Variants in HDAC9 observed in about 807,000 individuals in gnomAD.
HDAC9 encodes the protein histone deacetylase 9.
A neutral mutation model predicts 139.4 loss-of-function variants in HDAC9; 41 were observed. The observed-to-expected ratio is 0.29, with a 90% CI of 0.23 to 0.38. The LOEUF (loss-of-function observed/expected upper bound fraction) is 0.38, where lower values mean the gene tolerates loss of function less well. Among genes scored for constraint, HDAC9 ranks in the 10% least tolerant of loss-of-function variants. HDAC9 has a pLI of 1.00. For synonymous variants in HDAC9, 517 were observed against 476.2 expected (o/e 1.09, Z -1.12); for missense variants, 1,147 against 1,297.0 (o/e 0.88, Z 1.78).
chr7:18,491,509 T>G (rs948056420), upstream of HDAC9, among the ~76,000 whole-genome samples: 1 of 148,096 alleles, frequency 6.8e-6, no homozygotes, highest in East Asian at 1.9e-4. Flanking sequence ...GAAGCTAAGC[T>G]TTTTGGCAAG....
intron 2 of HDAC9, chr7:18,578,218 T>G (rs1439677151): frequency 3.9e-6 from 2 of 519,042 alleles, no homozygotes; most frequent in Non-Finnish European, 7.7e-6. Flanking sequence ...TGGCTGGGCT[T>G]CTTCTGAGCA....
intron 12 of HDAC9, among the ~76,000 whole-genome samples, chr7:18,709,158 A>G (rs928489377): frequency 6.6e-6 from 1 of 150,842 alleles, no homozygotes; most frequent in African/African-American, 2.4e-5. Flanking sequence ...GATTTGCTTC[A>G]CCTATTGACA....
intron 3 of HDAC9, among the ~76,000 whole-genome samples, chr7:18,589,546 A>G (rs770385734): frequency 3.7e-4 from 57 of 152,128 alleles, no homozygotes; most frequent in Non-Finnish European, 5.4e-4. Flanking sequence ...GAATAAAAAT[A>G]AAAATAAAAA....
intron 2 of HDAC9, among the ~76,000 whole-genome samples, chr7:18,508,777 A>G (rs970291486): frequency 2.0e-5 from 3 of 152,172 alleles, no homozygotes; most frequent in African/African-American, 7.2e-5. Context: ...TAAACACAAT[A>G]TTGCACACTT....
At chr7:18,644,465 T>C (rs567987642) in intron 8 of HDAC9, among the ~76,000 whole-genome samples, 6 of 152,262 alleles carry the variant, frequency 3.9e-5, no homozygotes, top group African/African-American at 1.4e-4. Context: ...TGAACATAGA[T>C]GCCTTTTATT....
At chr7:18,648,793 G>A in intron 11 of HDAC9, 110 bp downstream of exon 11, 2 of 897,828 alleles carry the variant, frequency 2.2e-6, no homozygotes, top group South Asian at 1.6e-5. Flanking sequence ...ACAGCAAAAA[G>A]GATGTGATCA....
intron 1 of HDAC9, among the ~76,000 whole-genome samples, chr7:18,364,929 A>T (rs924507720): frequency 1.3e-5 from 2 of 152,156 alleles, no homozygotes; most frequent in East Asian, 3.8e-4. Context: ...ATTTATTTTT[A>T]TGAACAAGAA....
At chr7:18,759,172 T>C (rs1789150414) in intron 14 of HDAC9, among the ~76,000 whole-genome samples, 1 of 152,074 alleles carries the variant, frequency 6.6e-6, no homozygotes, top group Non-Finnish European at 1.5e-5. Flanking sequence ...AGTTGACTGA[T>C]CTTACACAAG....
intron 2 of HDAC9, among the ~76,000 whole-genome samples, chr7:18,539,596 T>G (rs1037827638): frequency 6.6e-6 from 1 of 152,234 alleles, no homozygotes; most frequent in African/African-American, 2.4e-5. Flanking sequence ...GAAAACTGGG[T>G]GAAAGGTATA....
At chr7:18,434,113 C>T (rs116100930) in intron 1 of HDAC9, among the ~76,000 whole-genome samples, 4,765 of 152,258 alleles carry the variant, frequency 0.031, 85 homozygotes, top group African/African-American at 0.056. Flanking sequence ...TAAAGCTACA[C>T]ACCTACAACC....
chr7:18,849,760 A>G (rs1445432782), intron 21 of HDAC9, among the ~76,000 whole-genome samples: 1 of 152,228 alleles, frequency 6.6e-6, no homozygotes, highest in African/African-American at 2.4e-5. Context: ...CATACTCTCC[A>G]TGATGAGAAA....
At chr7:18,887,519 C>T (rs1221741744) in intron 22 of HDAC9, among the ~76,000 whole-genome samples, 1 of 152,062 alleles carries the variant, frequency 6.6e-6, no homozygotes, top group Non-Finnish European at 1.5e-5. Flanking sequence ...AAATATAGGG[C>T]CATTATGAGA....
At chr7:18,148,223 C>T (rs1786493559) in intron 1 of HDAC9, among the ~76,000 whole-genome samples, 1 of 152,160 alleles carries the variant, frequency 6.6e-6, no homozygotes, top group Admixed American at 6.5e-5. Flanking sequence ...TGACATGGTT[C>T]ACACTGGGCT....
chr7:18,898,294 C>A (rs145610154), intron 22 of HDAC9, among the ~76,000 whole-genome samples: 1 of 151,696 alleles, frequency 6.6e-6, no homozygotes, highest in African/African-American at 2.4e-5. Context: ...ATCAGATTAC[C>A]TGGTTGAGTA....
At chr7:18,521,552 A>G (rs978887152) in intron 2 of HDAC9, among the ~76,000 whole-genome samples, 2 of 152,154 alleles carry the variant, frequency 1.3e-5, no homozygotes, top group African/African-American at 2.4e-5. Flanking sequence ...AAAAATTGCT[A>G]TCTATTTTTT....
At chr7:18,518,561 A>G (rs1326862368) in intron 2 of HDAC9, among the ~76,000 whole-genome samples, 2 of 152,208 alleles carry the variant, frequency 1.3e-5, no homozygotes, top group African/African-American at 4.8e-5. Flanking sequence ...TAGACTACCT[A>G]AAGACTTACC....
intron 13 of HDAC9, among the ~76,000 whole-genome samples, chr7:18,732,751 ACACACACGTGTATGTGTGCGTATGTG>A (rs1786284063): frequency 4.1e-5 from 3 of 73,356 alleles, no homozygotes; most frequent in African/African-American, 9.1e-5. Context: ...GCGTATGTGT[ACACACACGTGTATGTGTGCGTATGTG>A]TACACACACG....
chr7:18,671,367 A>G (rs1000793001), intron 12 of HDAC9, among the ~76,000 whole-genome samples: 22 of 151,958 alleles, frequency 1.4e-4, no homozygotes, highest in African/African-American at 5.3e-4. Context: ...TTGCTCAGTC[A>G]TCTACCTTTT....
intron 2 of HDAC9, among the ~76,000 whole-genome samples, chr7:18,266,876 G>A (rs1220314488): frequency 6.6e-6 from 1 of 152,012 alleles, no homozygotes; most frequent in African/African-American, 2.4e-5. Context: ...TTGAGAACTA[G>A]TGCTTTATTT....
Sources: allele counts gnomAD v4.1 joint callset (sites outside exome capture counted in the v4.1 genomes callset), GRCh38; gene constraint gnomAD v4.1.1; transcripts MANE v1.5; gene names NCBI Gene and HGNC (gene_info 2026-07-23, HGNC 2026-07-21).